The following ABI3BP variants were observed in gnomAD, a reference collection of about 807,000 sequenced individuals.
The protein encoded by ABI3BP is ABI family member 3 binding protein.
A neutral mutation model predicts 268.6 loss-of-function variants in ABI3BP; 216 were observed. The observed-to-expected ratio is 0.80, with a 90% CI of 0.72 to 0.90. ABI3BP has a LOEUF of 0.90. Ranked by LOEUF, ABI3BP falls within the 40% of genes least tolerant of loss-of-function variation. ABI3BP has a pLI of 0.00. For synonymous variants in ABI3BP, 730 were observed against 730.0 expected, an observed-to-expected ratio of 1.00 and a Z score of 0.00; for missense variants, 2,090 against 2,182.4, an observed-to-expected ratio of 0.96 and a Z score of 0.84.
chr3:100,843,590 C>T, intron 20 of ABI3BP: 1 of 971,124 alleles, frequency 1.0e-6, no homozygotes, highest in Middle Eastern at 5.3e-4. Context: ...GAAAGAGTGT[C>T]TGGGAGATGG....
intron 41 of ABI3BP, 49 bp downstream of exon 41, chr3:100,818,476 T>C: frequency 7.0e-7 from 1 of 1,427,032 alleles, no homozygotes; most frequent in Non-Finnish European, 9.5e-7. Context: ...TACAGTGGTA[T>C]GACAATAAGC....
At position 100,753,701 on chromosome 3, in the gene ABI3BP, G is replaced by T. The variant is rs191885443; in HGVS notation, c.4960+118C>A. 757 of 1,052,730 alleles carry T rather than the reference G, an allele frequency of 7.2e-4. 2 individuals carry two copies. In the African/African-American group the frequency reaches 9.6e-3, roughly 13 times the overall value. The allele number at this position is 1,052,730 out of a possible 1,614,324, so 65.2% of individuals were successfully genotyped here. A position where few individuals can be genotyped will look rare whatever the true frequency, so the allele number is the denominator to read the frequency against. On this transcript the variant is annotated intron_variant, in intron 65 of 67. Coordinates refer to ENST00000471714, the MANE Select transcript of ABI3BP (RefSeq NM_001375547.2). ...GTAGGTAAACATTCACAACTGTTTG[G>T]TGTTATAAGAAGACTAAGTGGAAAA...
chr3:100,774,643 G>C lies in ABI3BP; in HGVS notation c.4493C>G (p.Thr1498Arg). The change falls in exon 61 of 68, where the codon ACA (threonine) becomes AGA (arginine). Residue 1498 changes from threonine to arginine, a missense_variant. By Grantham distance (71) the Thr-to-Arg change is moderately conservative. Transcript: ENST00000471714. ...CTTCCCAAGAGGATCAGTTTCTCTTGTTGGGCTTGAGCTAAAGTCAGTTAT... is the reference window on the plus strand; with the variant it reads ...CTTCCCAAGAGGATCAGTTTCTCTTCTTGGGCTTGAGCTAAAGTCAGTTAT... ...ENITDFSSSPTRETDPLGKPR... is the reference protein window; with the variant it reads ...ENITDFSSSPRRETDPLGKPR... The C allele has an allele frequency of 6.3e-7, 1 of 1,586,040 alleles. No homozygotes were observed. Among genetic ancestry groups the C allele is most frequent in the Non-Finnish European group, 8.6e-7 (1 of 1,165,200 alleles).
rs560204661 is a variant in ABI3BP at position 100,951,082 on chromosome 3, G to A, written c.80-24601C>T. On this transcript the variant is annotated intron_variant, in intron 1 of 67. Transcript: ENST00000471714. ...CCCACACCAGCATTAGAATAATTTC[G>A]ATGATTTTAATGATTCTAAAAATGT... 6.6e-5 allele frequency among the ~76,000 whole-genome samples: 10 copies of A among 152,030 alleles called. No individual in the cohort carries two copies. The South Asian group carries it at 8.3e-4, about 13-fold the overall frequency.
intron 63 of ABI3BP, 46 bp downstream of exon 63, chr3:100,765,795 A>G: frequency 7.3e-7 from 1 of 1,366,706 alleles, no homozygotes; most frequent in South Asian, 1.2e-5. Context: ...TGTGGTTATA[A>G]CTTTTGCACT....
intron 1 of ABI3BP, among the ~76,000 whole-genome samples, chr3:100,958,911 G>A (rs1007769460): frequency 5.9e-5 from 9 of 152,112 alleles, no homozygotes; most frequent in African/African-American, 1.2e-4. Flanking sequence ...AGAAAAGATC[G>A]GAAGCAGCAA....
At chr3:100,821,397 G>C (rs2098218563) in intron 38 of ABI3BP, among the ~76,000 whole-genome samples, 1 of 152,060 alleles carries the variant, frequency 6.6e-6, no homozygotes, top group African/African-American at 2.4e-5. Context: ...AAGAGACGGA[G>C]GCCTTAGCAT....
At chr3:100,965,966 A>T (rs548533069) in intron 1 of ABI3BP, among the ~76,000 whole-genome samples, 19 of 152,294 alleles carry the variant, frequency 1.2e-4, no homozygotes, top group African/African-American at 4.1e-4. Context: ...GCTTTAAGGG[A>T]GGACTTCAAC....
chr3:100,911,564 C>T, intron 2 of ABI3BP: 1 of 635,152 alleles, frequency 1.6e-6, no homozygotes, highest in Non-Finnish European at 2.9e-6. Flanking sequence ...TATGTACCTC[C>T]TTTACTGATC....
chr3:100,939,922 T>G (rs1203515655), intron 1 of ABI3BP, among the ~76,000 whole-genome samples: 2 of 152,156 alleles, frequency 1.3e-5, no homozygotes, highest in Non-Finnish European at 2.9e-5. Flanking sequence ...CAGGCGCATA[T>G]TCTCTTTCCC....
Position 100,874,833 on chromosome 3 carries a change from C to G in ABI3BP, c.910+8G>C, listed in dbSNP as rs1350463884. 4 of 1,561,694 alleles carry G rather than the reference C, an allele frequency of 2.6e-6. No individual in the cohort carries two copies. Among genetic ancestry groups the G allele is most frequent in the Non-Finnish European group, 2.6e-6 (3 of 1,145,616 alleles). ...TGCAAAGTTCAAATACAAAACTTTTCTGCTTACCTAATTGTGTCTTGAGTG... is the reference window on the plus strand; with the variant it reads ...TGCAAAGTTCAAATACAAAACTTTTGTGCTTACCTAATTGTGTCTTGAGTG... On this transcript the variant is annotated splice_region_variant and intron_variant, in intron 9 of 67. Transcript: ENST00000471714.
intron 1 of ABI3BP, among the ~76,000 whole-genome samples, chr3:100,983,386 T>G (rs1423329352): frequency 1.3e-5 from 2 of 152,230 alleles, no homozygotes; most frequent in Non-Finnish European, 2.9e-5. Context: ...TCAGTATAAT[T>G]TATATAACCC....
At chr3:100,979,809 T>C (rs1464591713) in intron 1 of ABI3BP, among the ~76,000 whole-genome samples, 1 of 152,204 alleles carries the variant, frequency 6.6e-6, no homozygotes, top group Non-Finnish European at 1.5e-5. Flanking sequence ...TATGGGATTA[T>C]AGGACTCAAT....
Position 100,813,931 on chromosome 3 carries a change from T to C in ABI3BP, c.3290-196A>G, listed in dbSNP as rs542094698. Among the ~76,000 whole-genome samples, 5 of 152,234 alleles carry C rather than the reference T, an allele frequency of 3.3e-5. No individual in the cohort carries two copies. In the South Asian group the frequency reaches 8.3e-4, roughly 25 times the overall value. ...CCAAGTCTAGCCAGTGGGCCAATAA[T>C]GATTCTCACATTTTTTTTAAGCGAT... On this transcript the variant is annotated intron_variant, in intron 44 of 67. Coordinates refer to ENST00000471714, the MANE Select transcript of ABI3BP (RefSeq NM_001375547.2).
intron 1 of ABI3BP, among the ~76,000 whole-genome samples, chr3:100,942,922 T>C (rs1316492264): frequency 6.6e-6 from 1 of 152,120 alleles, no homozygotes; most frequent in Non-Finnish European, 1.5e-5. Flanking sequence ...CAACACAGTA[T>C]GGAGAAAAGA....
intron 58 of ABI3BP, among the ~76,000 whole-genome samples, chr3:100,779,544 T>A (rs2096806333): frequency 6.6e-6 from 1 of 152,188 alleles, no homozygotes; most frequent in African/African-American, 2.4e-5. Flanking sequence ...ATGTTGGTTT[T>A]AAAATCTTCA....
intron 1 of ABI3BP, among the ~76,000 whole-genome samples, chr3:100,943,450 T>A (rs2070499636): frequency 6.6e-6 from 1 of 152,128 alleles, no homozygotes; most frequent in Admixed American, 6.6e-5. Flanking sequence ...ATCTTAACTA[T>A]ACATTACTGT....
chr3:100,842,138 G>A lies in ABI3BP; in HGVS notation c.1724-99C>T, dbSNP rs911607487. On this transcript the variant is annotated intron_variant, in intron 20 of 67. Transcript: ENST00000471714. Reference sequence around the variant, plus strand: ...CTATAAACGGAGTTCTCTCCTGGGTGAATGATTAGGTTCTACTGGCTTCTG... The same window carrying A: ...CTATAAACGGAGTTCTCTCCTGGGTAAATGATTAGGTTCTACTGGCTTCTG... The A allele has an allele frequency of 2.0e-5, 19 of 970,730 alleles. No individual in the cohort carries two copies. In the African/African-American group the frequency reaches 2.6e-4, roughly 13 times the overall value. The allele number at this position is 970,730 out of a possible 1,614,324, so 60.1% of individuals were successfully genotyped here. A position where few individuals can be genotyped will look rare whatever the true frequency, so the allele number is the denominator to read the frequency against.
At chr3:100,940,727 A>C (rs1383478501) in intron 1 of ABI3BP, among the ~76,000 whole-genome samples, 1 of 134,232 alleles carries the variant, frequency 7.4e-6, no homozygotes, top group African/African-American at 2.8e-5. Context: ...GCTAGATAGG[A>C]ACTCAGCTAC....
Sources: allele counts gnomAD v4.1 joint callset (sites outside exome capture counted in the v4.1 genomes callset), GRCh38; gene constraint gnomAD v4.1.1; transcripts MANE v1.5; gene names NCBI Gene and HGNC (gene_info 2026-07-23, HGNC 2026-07-21).